Variants in GHR observed in about 807,000 individuals in gnomAD.
GHR encodes growth hormone receptor.
Under a neutral mutation model 67.1 loss-of-function variants are expected in GHR, and 35 were observed. That is an observed-to-expected ratio of 0.52 (90% CI 0.40 to 0.69). The LOEUF (loss-of-function observed/expected upper bound fraction) is 0.69. GHR is among the 30% of genes least tolerant of loss of function. The pLI, the probability that GHR is intolerant of heterozygous loss-of-function variation, is 0.00. For synonymous variants in GHR, 272 were observed against 269.1 expected (o/e 1.01, Z -0.10); for missense variants, 792 against 764.6 (o/e 1.04, Z -0.42).
chr5:42,719,551 A>G lies in GHR; in HGVS notation c.*127A>G. The G allele has an allele frequency of 1.1e-6, 1 of 880,896 alleles. No individual in the cohort carries two copies. Among genetic ancestry groups the G allele is most frequent in the African/African-American group, 1.6e-5 (1 of 61,006 alleles). 54.6% of individuals were successfully genotyped at this position (880,896 alleles called of 1,614,324 possible). A position where few individuals can be genotyped will look rare whatever the true frequency, so the allele number is the denominator to read the frequency against. The stretch of plus-strand genomic sequence containing the variant: ...GACAGGATGGGGTATGGATTCTAAA[A>G]TGCCTTTTCCCAAAATGTTGAAATA... On this transcript the variant is annotated 3_prime_UTR_variant, in exon 10 of 10. Coordinates refer to ENST00000230882, the MANE Select transcript of GHR (RefSeq NM_000163.5).
chr5:42,558,089 G>T (rs915198113), intron 1 of GHR, among the ~76,000 whole-genome samples: 1 of 152,122 alleles, frequency 6.6e-6, no homozygotes, highest in Non-Finnish European at 1.5e-5. Flanking sequence ...AGGGAGACAG[G>T]TGTTAAACAT....
intron 1 of GHR, among the ~76,000 whole-genome samples, chr5:42,518,880 A>AG (rs1475582063): frequency 2.6e-5 from 4 of 152,184 alleles, no homozygotes; most frequent in African/African-American, 9.7e-5. Flanking sequence ...CACTTGAAAT[A>AG]GAAAAAAAAA....
intron 3 of GHR, among the ~76,000 whole-genome samples, chr5:42,681,317 C>G (rs1756857034): frequency 6.7e-6 from 1 of 150,308 alleles, no homozygotes. Context: ...AGACACTTCT[C>G]AAAAGAAGAC....
intron 2 of GHR, among the ~76,000 whole-genome samples, chr5:42,622,830 T>C (rs1196089544): frequency 6.6e-6 from 1 of 152,154 alleles, no homozygotes; most frequent in East Asian, 1.9e-4. Context: ...GGATGAATCA[T>C]TGCCATAAGT....
intron 2 of GHR, among the ~76,000 whole-genome samples, chr5:42,593,862 T>C (rs1751927638): frequency 6.6e-6 from 1 of 152,204 alleles, no homozygotes; most frequent in South Asian, 2.1e-4. Context: ...AAGCAGAGTT[T>C]TAAAGTTGAA....
rs556492018 is a variant in GHR, at chr5:42,431,662, T to C, written c.-12+7707T>C. ...TTTCTTCTTTTGTTGTTGATAAGACTTCAGCCAGTTTTCTTTAGGCTAACA... is the reference window on the plus strand; with the variant it reads ...TTTCTTCTTTTGTTGTTGATAAGACCTCAGCCAGTTTTCTTTAGGCTAACA... On this transcript the variant is annotated intron_variant, in intron 1 of 9. Transcript: ENST00000230882. Among the ~76,000 whole-genome samples, 118 of 152,360 alleles carry C rather than the reference T, an allele frequency of 7.7e-4. 2 individuals are homozygous for C. The Middle Eastern group carries it at 0.01, about 13-fold the overall frequency.
At chr5:42,512,637 G>A (rs932743956) in intron 1 of GHR, among the ~76,000 whole-genome samples, 1 of 152,028 alleles carries the variant, frequency 6.6e-6, no homozygotes, top group African/African-American at 2.4e-5. Flanking sequence ...TTATGTGTCT[G>A]AACAAACTAT....
At chr5:42,625,378 A>G (rs1009815150) in intron 2 of GHR, among the ~76,000 whole-genome samples, 29 of 152,148 alleles carry the variant, frequency 1.9e-4, no homozygotes, top group Admixed American at 6.5e-5. Flanking sequence ...ATACTCTCAT[A>G]ACACAGAATA....
intron 2 of GHR, among the ~76,000 whole-genome samples, chr5:42,620,610 G>T (rs551647715): frequency 1.4e-4 from 21 of 152,208 alleles, no homozygotes; most frequent in Admixed American, 1.2e-3. Context: ...CATGAAAGGT[G>T]GATGGTTCTA....
At chr5:42,475,360 G>A (rs1745255940) in intron 1 of GHR, among the ~76,000 whole-genome samples, 1 of 152,056 alleles carries the variant, frequency 6.6e-6, no homozygotes, top group Non-Finnish European at 1.5e-5. Flanking sequence ...AGGAGTTGAA[G>A]CCTGAGGGTC....
rs77317463 is a variant in GHR, at chr5:42,432,518, G to C, written c.-12+8563G>C. Among the ~76,000 whole-genome samples the C allele has an allele frequency of 9.9e-3, 1,510 of 152,246 alleles. 9 individuals are homozygous for C. The highest frequency in any genetic ancestry group is 0.017 in the Middle Eastern group (5 of 294). Reference sequence around the variant, plus strand: ...ATGATCCTAATTCACCCTATCAGCTGCTTCTCTGCACACTTTCAAGCTATG... The same window carrying C: ...ATGATCCTAATTCACCCTATCAGCTCCTTCTCTGCACACTTTCAAGCTATG... On this transcript the variant is annotated intron_variant, in intron 1 of 9. Coordinates refer to ENST00000230882, the MANE Select transcript of GHR (RefSeq NM_000163.5).
intron 3 of GHR, among the ~76,000 whole-genome samples, chr5:42,675,501 A>C (rs1229705015): frequency 6.6e-6 from 1 of 152,242 alleles, no homozygotes; most frequent in Non-Finnish European, 1.5e-5. Flanking sequence ...TTCTAAGATG[A>C]TTAAATGAAA....
chr5:42,443,490 T>C (rs1376859354), intron 1 of GHR, among the ~76,000 whole-genome samples: 2 of 152,120 alleles, frequency 1.3e-5, no homozygotes, highest in Non-Finnish European at 2.9e-5. Flanking sequence ...ATAAATTTAA[T>C]GTCAAGGGCA....
intron 3 of GHR, among the ~76,000 whole-genome samples, chr5:42,644,478 G>T (rs903484474): frequency 6.6e-6 from 1 of 152,008 alleles, no homozygotes. Context: ...GGAGAATCAC[G>T]GATTTATACA....
chr5:42,713,486 T>A lies in GHR; in HGVS notation c.842T>A (p.Met281Lys). ...TTTGGAATATTTGGGCTAACAGTGA[T>A]GCTATTTGTATTCTTATTTTCTAAA... ...IIFGIFGLTV[M>K]LFVFLFSKQQ... The change falls in exon 8 of 10, where the codon ATG becomes AAG. Residue 281 changes from methionine (M) to lysine (K), a missense_variant. Met to Lys is a moderately conservative substitution (Grantham distance 95, BLOSUM62 -1). Transcript: ENST00000230882. The A allele has an allele frequency of 6.7e-7, 1 of 1,495,708 alleles. No individual in the cohort carries two copies. The highest frequency in any genetic ancestry group is 9.3e-7 in the Non-Finnish European group (1 of 1,075,816). 92.7% of individuals were successfully genotyped at this position (1,495,708 alleles called of 1,614,324 possible). A position where few individuals can be genotyped will look rare whatever the true frequency, so the allele number is the denominator to read the frequency against.
intron 3 of GHR, among the ~76,000 whole-genome samples, chr5:42,638,992 C>A (rs61172054): frequency 0.014 from 2,168 of 152,176 alleles, 50 homozygotes; most frequent in African/African-American, 0.049. Flanking sequence ...GTGTGGCTCA[C>A]GACTGTAATA....
chr5:42,468,871 G>A, intron 1 of GHR: 1 of 847,836 alleles, frequency 1.2e-6, no homozygotes, highest in South Asian at 2.0e-5. Flanking sequence ...AGGCATGATG[G>A]TTGCTCGGCG....
At chr5:42,569,081 T>C (rs1473325891) in intron 2 of GHR, among the ~76,000 whole-genome samples, 2 of 152,120 alleles carry the variant, frequency 1.3e-5, no homozygotes, top group Non-Finnish European at 2.9e-5. Flanking sequence ...ATGAAGGAGG[T>C]TGACATTGTT....
chr5:42,533,057 T>A (rs1462789571), intron 1 of GHR, among the ~76,000 whole-genome samples: 1 of 152,150 alleles, frequency 6.6e-6, no homozygotes, highest in African/African-American at 2.4e-5. Flanking sequence ...CTACCAGCAA[T>A]GAATGAGAAC....
Sources: allele counts gnomAD v4.1 joint callset (sites outside exome capture counted in the v4.1 genomes callset), GRCh38; gene constraint gnomAD v4.1.1; transcripts MANE v1.5; gene names NCBI Gene and HGNC (gene_info 2026-07-23, HGNC 2026-07-21).